The following IMPACT variants were observed in gnomAD, a reference collection of about 807,000 sequenced individuals.
The protein encoded by IMPACT is impact RWD domain protein.
A neutral mutation model predicts 47.5 loss-of-function variants in IMPACT; 35 were observed. The observed-to-expected ratio is 0.74, with a 90% confidence interval of 0.56 to 0.98. The LOEUF (loss-of-function observed/expected upper bound fraction) is 0.98, where lower values mean the gene tolerates loss of function less well. IMPACT is among the 50% of genes least tolerant of loss of function. The probability of loss-of-function intolerance (pLI) is 0.00; values close to 1 mark genes in which losing one functional copy is unlikely to be tolerated. For synonymous variants in IMPACT, 118 were observed against 125.6 expected, an observed-to-expected ratio of 0.94 and a Z score of 0.40; for missense variants, 373 against 394.8, an observed-to-expected ratio of 0.94 and a Z score of 0.47.
chr18:24,447,944 T>C (rs1325919875), intron 8 of IMPACT, 149 bp from the exon 9 acceptor site: 2 of 500,554 alleles, frequency 4.0e-6, no homozygotes, highest in East Asian at 6.0e-5. Context: ...TCAGTGAAAA[T>C]ATATCTAATA....
In IMPACT at chr18:24,451,632, C is replaced by T. The variant is rs527502871; in HGVS notation, c.*785C>T. On this transcript the variant is annotated 3_prime_UTR_variant, in exon 11 of 11. Coordinates refer to ENST00000284202, the MANE Select transcript of IMPACT (RefSeq NM_018439.4). ...TAACATTCTCGTTTCTTTTAACAAC[C>T]TGGAAGTACCTTTCTTGTGATCTTC... is the stretch of plus-strand genomic sequence containing the variant. 1.3e-5 allele frequency: 2 copies of T among 152,258 alleles called. No individual in the cohort carries two copies. Among genetic ancestry groups the T allele is most frequent in the East Asian group, 1.9e-4 (1 of 5,188 alleles). The allele number at this position is 152,258 out of a possible 1,614,324, so 9.4% of individuals were successfully genotyped here. A position where few individuals can be genotyped will look rare whatever the true frequency, so the allele number is the denominator to read the frequency against.
At chr18:24,449,752 C>A in intron 9 of IMPACT, 67 bp from the exon 10 acceptor site, 5 of 1,430,666 alleles carry the variant, frequency 3.5e-6, no homozygotes, top group Non-Finnish European at 4.9e-6. Flanking sequence ...ATTTCATTCT[C>A]CTTTTTTAAA....
At chr18:24,440,694 G>A in intron 6 of IMPACT, 76 bp downstream of exon 6, 1 of 1,252,734 alleles carries the variant, frequency 8.0e-7, no homozygotes, top group Non-Finnish European at 1.1e-6. Flanking sequence ...AGATGATAGA[G>A]AAATTTACTA....
At chr18:24,432,256 T>G (rs1908777195) in intron 4 of IMPACT, among the ~76,000 whole-genome samples, 1 of 152,214 alleles carries the variant, frequency 6.6e-6, no homozygotes, top group Non-Finnish European at 1.5e-5. Context: ...GCTAATGCAG[T>G]TGTCTAGAGA....
In IMPACT at chr18:24,449,969, T is replaced by A; in HGVS notation, c.894+16T>A. The A allele has an allele frequency of 6.2e-7, 1 of 1,611,700 alleles. No homozygotes were observed. The highest frequency in any genetic ancestry group is 8.5e-7 in the Non-Finnish European group (1 of 1,178,026). ...AAATTCACCTGTAAGTGGCTCTTCG[T>A]ACTACATCTAGAGAATTTCTCATCA... On this transcript the variant is annotated intron_variant, in intron 10 of 10. Transcript: ENST00000284202.
intron 5 of IMPACT, 144 bp downstream of exon 5, chr18:24,438,184 T>C: frequency 1.9e-6 from 1 of 524,158 alleles, no homozygotes; most frequent in Non-Finnish European, 3.4e-6. Context: ...TCTGAAAAGT[T>C]TAATTGCTCA....
intron 4 of IMPACT, among the ~76,000 whole-genome samples, chr18:24,430,653 A>T (rs1472615852): frequency 6.6e-6 from 1 of 152,200 alleles, no homozygotes; most frequent in African/African-American, 2.4e-5. Context: ...AATCCCAGCT[A>T]TTCAGGAGGT....
Position 24,434,795 on chromosome 18 carries a change from A to ATATATGTG in IMPACT, c.282-3159_282-3158insATATGTGT, listed in dbSNP as rs1454429903. On this transcript the variant is annotated intron_variant, in intron 4 of 10. Transcript: ENST00000284202. ...AAAAAAAATATATATATATATATAT[A>ATATATGTG]TGTGTGTGTGTGTGTATATATATGT... Among the ~76,000 whole-genome samples, 14 of 67,620 alleles carry ATATATGTG rather than the reference A, an allele frequency of 2.1e-4. 1 individual carries two copies. Among genetic ancestry groups the ATATATGTG allele is most frequent in the African/African-American group, 7.1e-4 (13 of 18,256 alleles). 44.4% of individuals were successfully genotyped at this position (67,620 alleles called of 152,430 possible). A position where few individuals can be genotyped will look rare whatever the true frequency, so the allele number is the denominator to read the frequency against.
Position 24,451,067 on chromosome 18 carries a change from T to G in IMPACT, c.*220T>G, listed in dbSNP as rs1037614182. The G allele has an allele frequency of 2.8e-6, 1 of 357,700 alleles. No homozygotes were observed. The highest frequency in any genetic ancestry group is 5.1e-6 in the Non-Finnish European group (1 of 195,428). 22.2% of individuals were successfully genotyped at this position (357,700 alleles called of 1,614,324 possible). ...TTCAGGCTTATTTGGGAGAACTAATTTGAACTTAATCACCACTTCATCTAA... is the reference window on the plus strand; with the variant it reads ...TTCAGGCTTATTTGGGAGAACTAATGTGAACTTAATCACCACTTCATCTAA... On this transcript the variant is annotated 3_prime_UTR_variant, in exon 11 of 11. Coordinates refer to ENST00000284202, the MANE Select transcript of IMPACT (RefSeq NM_018439.4).
At chr18:24,436,710 G>A (rs535128057) in intron 4 of IMPACT, among the ~76,000 whole-genome samples, 82 of 151,884 alleles carry the variant, frequency 5.4e-4, no homozygotes, top group African/African-American at 1.9e-3. Flanking sequence ...CACCACATCT[G>A]GCTAATTTTT....
intron 1 of IMPACT, 51 bp downstream of exon 1, chr18:24,426,843 C>G: frequency 8.3e-7 from 1 of 1,205,864 alleles, no homozygotes; most frequent in Admixed American, 4.2e-5. Context: ...CGGCTCGCCT[C>G]GCCATGCCAG....
At position 24,426,746 on chromosome 18, in the gene IMPACT, C is replaced by T; in HGVS notation, c.-11C>T. 1 of 1,245,240 alleles carries T rather than the reference C, an allele frequency of 8.0e-7. No individual in the cohort carries two copies. Among genetic ancestry groups the T allele is most frequent in the Non-Finnish European group, 1.0e-6 (1 of 993,302 alleles). The allele number at this position is 1,245,240 out of a possible 1,614,324, so 77.1% of individuals were successfully genotyped here. ...GGCAGGCGGCGGCTGCAGGGCAGGT[C>T]CAGGGGCCACATGGCTGAGGGGGAC... On this transcript the variant is annotated 5_prime_UTR_variant, in exon 1 of 11. Coordinates refer to ENST00000284202, the MANE Select transcript of IMPACT (RefSeq NM_018439.4).
At chr18:24,441,172 C>T (rs1909101391) in intron 6 of IMPACT, among the ~76,000 whole-genome samples, 1 of 152,138 alleles carries the variant, frequency 6.6e-6, no homozygotes, top group African/African-American at 2.4e-5. Flanking sequence ...CACCATTGTG[C>T]CCAGCTTGAG....
chr18:24,431,316 G>C (rs1257568744), intron 4 of IMPACT, among the ~76,000 whole-genome samples: 1 of 152,078 alleles, frequency 6.6e-6, no homozygotes, highest in Non-Finnish European at 1.5e-5. Flanking sequence ...GGGGAGCTTG[G>C]CACATTACAG....
intron 4 of IMPACT, among the ~76,000 whole-genome samples, chr18:24,432,188 T>G (rs1158409165): frequency 2.0e-5 from 3 of 152,154 alleles, no homozygotes; most frequent in Non-Finnish European, 2.9e-5. Context: ...CATTCTATTT[T>G]CTGTTTGAAG....
chr18:24,439,791 G>A (rs938779781), intron 5 of IMPACT, among the ~76,000 whole-genome samples: 2 of 152,162 alleles, frequency 1.3e-5, no homozygotes, highest in Admixed American at 6.5e-5. Context: ...CAGCTTGGGT[G>A]ACGGAATGAG....
In IMPACT at chr18:24,451,417, T is replaced by C. The variant is rs987208926; in HGVS notation, c.*570T>C. On this transcript the variant is annotated 3_prime_UTR_variant, in exon 11 of 11. Coordinates refer to ENST00000284202, the MANE Select transcript of IMPACT (RefSeq NM_018439.4). ...ATCCAGGAGTATCCATCTGCAGTTATGTGCTGAGGTGATAATTCATCCAAC... is the reference window on the plus strand; with the variant it reads ...ATCCAGGAGTATCCATCTGCAGTTACGTGCTGAGGTGATAATTCATCCAAC... The C allele has an allele frequency of 1.3e-5, 2 of 152,228 alleles. No homozygotes were observed. Among genetic ancestry groups the C allele is most frequent in the Non-Finnish European group, 2.9e-5 (2 of 68,036 alleles). 9.4% of individuals were successfully genotyped at this position (152,228 alleles called of 1,614,324 possible).
chr18:24,431,439 A>G (rs1463014984), intron 4 of IMPACT, among the ~76,000 whole-genome samples: 1 of 152,156 alleles, frequency 6.6e-6, no homozygotes, highest in Non-Finnish European at 1.5e-5. Flanking sequence ...TTTGTAGGTT[A>G]TGTTGAAGAT....
chr18:24,435,368 A>G (rs1257649220), intron 4 of IMPACT: 1 of 152,250 alleles, frequency 6.6e-6, no homozygotes, highest in Non-Finnish European at 1.5e-5. Flanking sequence ...TACTTAGAAT[A>G]TGATACTGTT....
Sources: allele counts gnomAD v4.1 joint callset (sites outside exome capture counted in the v4.1 genomes callset), GRCh38; gene constraint gnomAD v4.1.1; transcripts MANE v1.5; gene names NCBI Gene and HGNC (gene_info 2026-07-23, HGNC 2026-07-21).